The following TANC2 variants were observed in gnomAD, a reference collection of about 807,000 sequenced individuals.
TANC2 encodes protein TANC2.
A neutral mutation model predicts 210.5 loss-of-function variants in TANC2; 26 were observed. The observed-to-expected ratio is 0.12, with a 90% CI of 0.09 to 0.17. The LOEUF (loss-of-function observed/expected upper bound fraction) is 0.17. TANC2 is among the 10% of genes least tolerant of loss of function. TANC2 has a pLI of 1.00. For missense variants in TANC2, 2,129 were observed against 2,608.9 expected (o/e 0.82, Z 4.01); for synonymous variants, 931 against 967.1 (o/e 0.96, Z 0.69).
intron 8 of TANC2, among the ~76,000 whole-genome samples, chr17:63,248,481 T>C (rs2042974759): frequency 6.6e-6 from 1 of 152,130 alleles, no homozygotes; most frequent in Non-Finnish European, 1.5e-5. Flanking sequence ...CTAATATAAT[T>C]ATTTATTTTA....
intron 2 of TANC2, among the ~76,000 whole-genome samples, chr17:63,015,366 G>A (rs1450485494): frequency 6.6e-6 from 1 of 151,512 alleles, no homozygotes; most frequent in African/African-American, 2.4e-5. Flanking sequence ...TGTGCACAAC[G>A]TGCAGGTTTG....
chr17:63,376,615 G>A (rs990429362), intron 14 of TANC2, among the ~76,000 whole-genome samples: 7 of 151,992 alleles, frequency 4.6e-5, no homozygotes, highest in Admixed American at 1.3e-4. Flanking sequence ...TTTAATTTTT[G>A]CCTTTACAGA....
At chr17:63,332,138 G>T (rs1567923001) in intron 11 of TANC2, 5 of 349,818 alleles carry the variant, frequency 1.4e-5, no homozygotes, top group Non-Finnish European at 2.8e-5. Context: ...AAAAATCTTT[G>T]TGCTTCTTTA....
chr17:63,401,210 T>C (rs1567987458), intron 19 of TANC2, among the ~76,000 whole-genome samples: 1 of 152,172 alleles, frequency 6.6e-6, no homozygotes, highest in African/African-American at 2.4e-5. Context: ...TATTTTCACA[T>C]ACAAAAGTGG....
chr17:63,417,873 G>A (rs1178785561), intron 26 of TANC2, among the ~76,000 whole-genome samples: 1 of 152,096 alleles, frequency 6.6e-6, no homozygotes, highest in Non-Finnish European at 1.5e-5. Flanking sequence ...CTTCTCACCT[G>A]TCCCTTAGAA....
At chr17:63,261,437 C>T (rs1311338346) in intron 8 of TANC2, among the ~76,000 whole-genome samples, 1 of 152,082 alleles carries the variant, frequency 6.6e-6, no homozygotes, top group African/African-American at 2.4e-5. Flanking sequence ...CTTACATCTC[C>T]ATGAAGGGGA....
At chr17:63,092,385 A>AT (rs537445302) in intron 3 of TANC2, among the ~76,000 whole-genome samples, 170 of 144,722 alleles carry the variant, frequency 1.2e-3, no homozygotes, top group East Asian at 5.9e-3. Flanking sequence ...TTTTGCTGGT[A>AT]TTTTTTTTTT....
At chr17:63,320,109 C>G (rs2045448262) in intron 11 of TANC2, among the ~76,000 whole-genome samples, 1 of 152,134 alleles carries the variant, frequency 6.6e-6, no homozygotes, top group Non-Finnish European at 1.5e-5. Flanking sequence ...AGTATTAATA[C>G]TGTGCAAATA....
chr17:63,268,624 T>A (rs2043602095), intron 9 of TANC2, among the ~76,000 whole-genome samples: 1 of 152,230 alleles, frequency 6.6e-6, no homozygotes, highest in Non-Finnish European at 1.5e-5. Flanking sequence ...TTTGTTTTAG[T>A]GGCCATTTCT....
intron 1 of TANC2, among the ~76,000 whole-genome samples, chr17:62,980,324 A>G (rs936922189): frequency 3.9e-5 from 6 of 152,142 alleles, no homozygotes; most frequent in Non-Finnish European, 7.4e-5. Context: ...TGATTTCAGG[A>G]TCCATACAGA....
At chr17:63,344,394 A>G (rs748345744) in intron 12 of TANC2, among the ~76,000 whole-genome samples, 2 of 152,224 alleles carry the variant, frequency 1.3e-5, no homozygotes, top group Non-Finnish European at 2.9e-5. Flanking sequence ...ACATGTAGTG[A>G]AATGTTGAAT....
At chr17:63,016,864 C>T (rs1051182261) in intron 2 of TANC2, among the ~76,000 whole-genome samples, 11 of 152,064 alleles carry the variant, frequency 7.2e-5, no homozygotes, top group African/African-American at 2.7e-4. Context: ...AATGCCTGTT[C>T]TAGTCCCTTA....
At chr17:63,340,999 G>T (rs2146795238) in intron 12 of TANC2, among the ~76,000 whole-genome samples, 1 of 152,234 alleles carries the variant, frequency 6.6e-6, no homozygotes, top group South Asian at 2.1e-4. Flanking sequence ...CTTGAAAATG[G>T]TACCTGCCTT....
chr17:63,323,787 A>T (rs1209055172), intron 11 of TANC2, among the ~76,000 whole-genome samples: 1 of 152,242 alleles, frequency 6.6e-6, no homozygotes, highest in Non-Finnish European at 1.5e-5. Flanking sequence ...CTGTTAATAA[A>T]TAACGAAGTG....
Position 63,411,464 on chromosome 17 carries a change from TG to T in TANC2, c.3590-46del, listed in dbSNP as rs757160476. 22 of 1,550,866 alleles carry T rather than the reference TG, an allele frequency of 1.4e-5. 1 individual carries two copies. In the East Asian group the frequency reaches 4.5e-4, roughly 32 times the overall value. On this transcript the variant is annotated intron_variant, in intron 21 of 27. Transcript: ENST00000689528. ...CTTCAGCGTACTTCCCCTCCTGCTG[TG>T]TGATTCCATGTCTCCTCAGCCCTGT...
In TANC2 at chr17:63,200,504, A is replaced by G. The variant is rs534815744; in HGVS notation, c.583-267A>G. 7.9e-5 allele frequency among the ~76,000 whole-genome samples: 12 copies of G among 152,290 alleles called. No homozygotes were observed. In the South Asian group the frequency reaches 2.5e-3, roughly 32 times the overall value. ...AATAAAAAATTTCTCTATTCTATTAATGAATGGCAGTGATAGGGTACTTGT... is the reference window on the plus strand; with the variant it reads ...AATAAAAAATTTCTCTATTCTATTAGTGAATGGCAGTGATAGGGTACTTGT... On this transcript the variant is annotated intron_variant, in intron 6 of 27. Coordinates refer to ENST00000689528, the Ensembl canonical transcript of TANC2.
chr17:63,236,358 C>T (rs918908357), intron 7 of TANC2, among the ~76,000 whole-genome samples: 1 of 151,888 alleles, frequency 6.6e-6, no homozygotes, highest in African/African-American at 2.4e-5. Context: ...ATTTTGGTTT[C>T]AGTTATGTAA....
chr17:63,181,762 A>G (rs2040793028), intron 5 of TANC2, among the ~76,000 whole-genome samples: 1 of 152,210 alleles, frequency 6.6e-6, no homozygotes, highest in South Asian at 2.1e-4. Context: ...GCATCTGTCA[A>G]CCAGAAAAGC....
At chr17:63,048,303 C>T (rs1468922451) in intron 2 of TANC2, among the ~76,000 whole-genome samples, 1 of 152,116 alleles carries the variant, frequency 6.6e-6, no homozygotes, top group Non-Finnish European at 1.5e-5. Flanking sequence ...AGAATTATTG[C>T]AGAACTCCAG....
Sources: gnomAD v4.1 joint callset for allele counts (sites outside exome capture counted in the v4.1 genomes callset) on GRCh38, gnomAD v4.1.1 for gene constraint, MANE v1.5 for transcripts, NCBI Gene and HGNC (gene_info 2026-07-23, HGNC 2026-07-21) for gene names.